FYB1: variants seen among roughly 807,000 people sequenced by gnomAD.
FYB1 encodes FYN-binding protein 1.
A neutral mutation model predicts 94.1 loss-of-function variants in FYB1; 41 were observed. The observed-to-expected ratio is 0.44, with a 90% confidence interval of 0.34 to 0.57. FYB1 has a LOEUF of 0.57. Ranked by LOEUF, FYB1 falls within the 20% of genes least tolerant of loss-of-function variation. The pLI is 0.02. For missense variants in FYB1, 1,050 were observed against 976.8 expected, an observed-to-expected ratio of 1.07 and a Z score of -1.00; for synonymous variants, 367 against 353.2, an observed-to-expected ratio of 1.04 and a Z score of -0.44.
intron 1 of FYB1, among the ~76,000 whole-genome samples, chr5:39,213,793 C>G (rs1191829077): frequency 1.3e-5 from 2 of 151,980 alleles, no homozygotes; most frequent in Non-Finnish European, 2.9e-5. Flanking sequence ...AGTTTAGGGG[C>G]CCAGGACACC....
intron 3 of FYB1, among the ~76,000 whole-genome samples, chr5:39,152,160 C>T (rs966403094): frequency 6.6e-5 from 10 of 152,240 alleles, no homozygotes; most frequent in Non-Finnish European, 1.3e-4. Flanking sequence ...AATTCAAATG[C>T]CTTGAAGGGT....
chr5:39,122,946 T>A (rs1438367011), intron 13 of FYB1, among the ~76,000 whole-genome samples: 2 of 152,188 alleles, frequency 1.3e-5, no homozygotes, highest in African/African-American at 2.4e-5. Flanking sequence ...TTATTTCTTT[T>A]AATTAAATAC....
At chr5:39,191,685 C>T (rs1264898760) in intron 2 of FYB1, among the ~76,000 whole-genome samples, 1 of 152,084 alleles carries the variant, frequency 6.6e-6, no homozygotes, top group Admixed American at 6.5e-5. Flanking sequence ...TAAATGTCTC[C>T]AACTTTTTAA....
intron 1 of FYB1, among the ~76,000 whole-genome samples, chr5:39,264,657 C>T (rs961562457): frequency 1.3e-5 from 2 of 152,158 alleles, no homozygotes; most frequent in Non-Finnish European, 2.9e-5. Context: ...CCATTTACCC[C>T]ATGCCCAACT....
intron 1 of FYB1, among the ~76,000 whole-genome samples, chr5:39,227,785 T>A (rs563098158): frequency 2.6e-5 from 4 of 152,064 alleles, no homozygotes; most frequent in Admixed American, 6.6e-5. Flanking sequence ...GAAGAAAAAA[T>A]TTCAACTCCT....
intron 10 of FYB1, 87 bp downstream of exon 10, chr5:39,130,503 T>C: frequency 9.9e-7 from 1 of 1,006,310 alleles, no homozygotes; most frequent in Non-Finnish European, 1.5e-6. Context: ...ATTCTATGCA[T>C]GTAACAAAAT....
rs567736043 is a variant in FYB1, at chr5:39,230,901, A to G, written c.-27-27914T>C. Among the ~76,000 whole-genome samples, 135 of 152,016 alleles carry G rather than the reference A, an allele frequency of 8.9e-4. 3 individuals are homozygous for G. Among genetic ancestry groups the G allele is most frequent in the African/African-American group, 3.0e-3 (126 of 41,470 alleles). On this transcript the variant is annotated intron_variant, in intron 1 of 1. Coordinates refer to the FYB1 transcript ENST00000510188. ...CACATATATATACACATACATGTAT[A>G]TATATTAGTAGAGTGAATGGAATGA...
intron 1 of FYB1, among the ~76,000 whole-genome samples, chr5:39,249,397 A>G (rs1561307842): frequency 6.6e-6 from 1 of 152,196 alleles, no homozygotes; most frequent in Non-Finnish European, 1.5e-5. Context: ...ACAGTATGTT[A>G]ATGTGTGAAC....
chr5:39,243,573 G>T (rs945231051), intron 1 of FYB1, among the ~76,000 whole-genome samples: 1 of 152,068 alleles, frequency 6.6e-6, no homozygotes, highest in Non-Finnish European at 1.5e-5. Flanking sequence ...GTCAGGTGGC[G>T]TGATGCCTCC....
rs1240644044 is a variant in FYB1, at chr5:39,202,732, C to T, written c.229G>A (p.Glu77Lys). 1.9e-6 allele frequency: 3 copies of T among 1,613,694 alleles called. No homozygotes were observed. The highest frequency in any genetic ancestry group is 2.5e-6 in the Non-Finnish European group (3 of 1,179,840). The change falls in exon 2 of 19, where the codon GAA becomes AAA. Residue 77 changes from glutamate (E) to lysine (K), a missense_variant. Glu to Lys is a moderately conservative substitution (Grantham distance 56). Coordinates refer to ENST00000512982, the MANE Select transcript of FYB1 (RefSeq NM_001465.6). ...KPSSEEKPDK[E>K]PKPPFLKPTG... ...GGCTTTAGAAACGGGGGCTTGGGTT[C>T]CTTGTCAGGCTTTTCCTCAGAAGAA...
At chr5:39,260,044 T>C (rs1752147868) in intron 1 of FYB1, among the ~76,000 whole-genome samples, 1 of 152,028 alleles carries the variant, frequency 6.6e-6, no homozygotes, top group Admixed American at 6.6e-5. Flanking sequence ...TTAAGATTCA[T>C]CAAAGAGAGA....
At chr5:39,237,393 G>A (rs1286017415) in intron 1 of FYB1, among the ~76,000 whole-genome samples, 2 of 151,998 alleles carry the variant, frequency 1.3e-5, no homozygotes, top group African/African-American at 4.8e-5. Flanking sequence ...TTCGCAGTCT[G>A]TGGGTCCAGG....
chr5:39,108,020 A>T (rs533367276), intron 18 of FYB1, among the ~76,000 whole-genome samples: 2 of 152,180 alleles, frequency 1.3e-5, no homozygotes, highest in South Asian at 4.1e-4. Flanking sequence ...TTTTCAAAGA[A>T]ATAAATAAGG....
chr5:39,211,572 G>A (rs1270198855), intron 1 of FYB1, among the ~76,000 whole-genome samples: 4 of 152,072 alleles, frequency 2.6e-5, no homozygotes, highest in Admixed American at 2.0e-4. Flanking sequence ...GCCTCCCAAA[G>A]TGCTGGGATT....
At position 39,228,478 on chromosome 5, in the gene FYB1, A is replaced by G. The variant is rs190722665; in HGVS notation, c.-27-25491T>C. Among the ~76,000 whole-genome samples, 33 of 152,070 alleles carry G rather than the reference A, an allele frequency of 2.2e-4. No individual in the cohort carries two copies. The East Asian group carries it at 6.0e-3, about 28-fold the overall frequency. On this transcript the variant is annotated intron_variant, in intron 1 of 1. Coordinates refer to the FYB1 transcript ENST00000510188. ...CCCTCATGGGACAAAGATATCCACAAATATTTTGTACCATGGACATGCCAA... is the reference window on the plus strand; with the variant it reads ...CCCTCATGGGACAAAGATATCCACAGATATTTTGTACCATGGACATGCCAA...
intron 1 of FYB1, among the ~76,000 whole-genome samples, chr5:39,226,237 T>G (rs1385842354): frequency 6.6e-6 from 1 of 152,182 alleles, no homozygotes; most frequent in Non-Finnish European, 1.5e-5. Context: ...TTCCCTCCAG[T>G]CTCAGTGCAC....
chr5:39,261,018 T>G (rs193340), intron 1 of FYB1, among the ~76,000 whole-genome samples: 89,444 of 151,752 alleles, frequency 0.59, 26,652 homozygotes, highest in African/African-American at 0.68. Context: ...GTTGTGTTTG[T>G]GTAATAATAG....
At chr5:39,206,597 C>G (rs533227497) in intron 1 of FYB1, among the ~76,000 whole-genome samples, 1 of 152,172 alleles carries the variant, frequency 6.6e-6, no homozygotes, top group South Asian at 2.1e-4. Context: ...TTCCCCAGTT[C>G]TAGGCTACGC....
At chr5:39,139,209 T>C (rs1211424352) in intron 5 of FYB1, 24 bp downstream of exon 5, 4 of 1,457,980 alleles carry the variant, frequency 2.7e-6, no homozygotes, top group Non-Finnish European at 3.7e-6. Context: ...GTCAATATAA[T>C]ATGAGAAGAG....
Sources: gnomAD v4.1 joint callset for allele counts (sites outside exome capture counted in the v4.1 genomes callset) on GRCh38, gnomAD v4.1.1 for gene constraint, MANE v1.5 for transcripts, NCBI Gene and HGNC (gene_info 2026-07-23, HGNC 2026-07-21) for gene names.